The following METTL25 variants were observed in gnomAD, a reference collection of about 807,000 sequenced individuals.
METTL25 encodes probable methyltransferase-like protein 25.
In METTL25, 64 loss-of-function variants were observed where a neutral mutation model predicts 71.6. That is an observed-to-expected ratio of 0.89 (90% CI 0.73 to 1.10). METTL25 has a LOEUF of 1.10. Ranked by LOEUF, METTL25 falls within the 50% of genes least tolerant of loss-of-function variation. The pLI, the probability that METTL25 is intolerant of heterozygous loss-of-function variation, is 0.00. For synonymous variants in METTL25, 287 were observed against 250.3 expected (o/e 1.15, Z -1.38); for missense variants, 807 against 707.0 (o/e 1.14, Z -1.60).
intron 5 of METTL25, among the ~76,000 whole-genome samples, chr12:82,404,976 TC>T (rs1886966212): frequency 1.3e-5 from 2 of 151,636 alleles, no homozygotes; most frequent in African/African-American, 4.8e-5. Context: ...AGAGTCACTA[TC>T]CTTACACTAC....
intron 8 of METTL25, among the ~76,000 whole-genome samples, chr12:82,441,405 C>G (rs2131787): frequency 3.3e-5 from 5 of 151,712 alleles, no homozygotes; most frequent in Non-Finnish European, 7.4e-5. Context: ...GAAATGTACC[C>G]TTAGGAAAGC....
At chr12:82,384,264 A>G (rs920971110) in intron 1 of METTL25, among the ~76,000 whole-genome samples, 15 of 152,320 alleles carry the variant, frequency 9.8e-5, no homozygotes, top group African/African-American at 3.6e-4. Flanking sequence ...CAAAGCGATT[A>G]TACAAGTACC....
chr12:82,463,394 T>G (rs148243763), intron 9 of METTL25, among the ~76,000 whole-genome samples: 2 of 152,050 alleles, frequency 1.3e-5, no homozygotes, highest in African/African-American at 4.8e-5. Flanking sequence ...CTACACATGT[T>G]GCCAGGAATG....
intron 8 of METTL25, among the ~76,000 whole-genome samples, chr12:82,453,444 A>G (rs1421265887): frequency 6.6e-6 from 1 of 152,174 alleles, no homozygotes; most frequent in African/African-American, 2.4e-5. Context: ...TTAATATCCC[A>G]GATTATGAAG....
intron 3 of METTL25, among the ~76,000 whole-genome samples, chr12:82,394,060 C>T (rs1408412952): frequency 1.3e-5 from 2 of 151,920 alleles, no homozygotes; most frequent in Non-Finnish European, 2.9e-5. Context: ...CAGAGTTTCT[C>T]TTGTTATTGA....
chr12:82,455,350 G>A (rs1424317549), intron 8 of METTL25, among the ~76,000 whole-genome samples: 3 of 151,836 alleles, frequency 2.0e-5, no homozygotes, highest in African/African-American at 7.2e-5. Context: ...GTAGGATCCT[G>A]TATGTGCAGG....
chr12:82,397,563 A>AT (rs1315043615), intron 3 of METTL25, among the ~76,000 whole-genome samples: 2 of 151,766 alleles, frequency 1.3e-5, no homozygotes, highest in Admixed American at 6.6e-5. Flanking sequence ...ATCAGATAAC[A>AT]TTTTTTTCTA....
At chr12:82,441,679 A>G (rs1010244957) in intron 8 of METTL25, among the ~76,000 whole-genome samples, 2 of 151,736 alleles carry the variant, frequency 1.3e-5, no homozygotes, top group African/African-American at 4.8e-5. Flanking sequence ...GTAGTAATCT[A>G]GAACCACCAA....
chr12:82,389,537 G>A lies in METTL25; in HGVS notation c.425-279G>A, dbSNP rs111971572. ...GTTTGCCTTTTTACCTCATAATGTT[G>A]TCTTTTGATGAAAAATTTCTTTTGT... is the stretch of plus-strand genomic sequence containing the variant. On this transcript the variant is annotated intron_variant, in intron 2 of 11. Transcript: ENST00000248306. 2.7e-3 allele frequency among the ~76,000 whole-genome samples: 412 copies of A among 151,910 alleles called. 3 individuals carry two copies. Among genetic ancestry groups the A allele is most frequent in the African/African-American group, 9.3e-3 (387 of 41,430 alleles).
intron 8 of METTL25, among the ~76,000 whole-genome samples, chr12:82,455,464 A>G (rs1298711220): frequency 1.3e-5 from 2 of 151,930 alleles, no homozygotes; most frequent in African/African-American, 4.8e-5. Flanking sequence ...ATAACAAACG[A>G]ATGGAAGAAT....
At chr12:82,368,719 A>T (rs1226290266) in intron 1 of METTL25, among the ~76,000 whole-genome samples, 1 of 152,230 alleles carries the variant, frequency 6.6e-6, no homozygotes, top group Non-Finnish European at 1.5e-5. Context: ...CAATGATTTA[A>T]ATATTTTATC....
intron 6 of METTL25, among the ~76,000 whole-genome samples, chr12:82,433,391 A>T (rs1439049999): frequency 1.3e-5 from 2 of 151,710 alleles, no homozygotes; most frequent in Non-Finnish European, 3.0e-5. Flanking sequence ...CTGTTATCAT[A>T]ATATGAAAAT....
chr12:82,417,780 T>A (rs1888115982), intron 5 of METTL25, among the ~76,000 whole-genome samples: 1 of 151,982 alleles, frequency 6.6e-6, no homozygotes, highest in African/African-American at 2.4e-5. Flanking sequence ...TGGAGAAAAA[T>A]AAAGCAATGT....
At chr12:82,383,086 A>G (rs1884599013) in intron 1 of METTL25, among the ~76,000 whole-genome samples, 1 of 152,120 alleles carries the variant, frequency 6.6e-6, no homozygotes, top group Non-Finnish European at 1.5e-5. Context: ...AATAATTAAT[A>G]AAATATAGTA....
chr12:82,392,785 T>G (rs1465616686), intron 3 of METTL25, among the ~76,000 whole-genome samples: 1 of 152,142 alleles, frequency 6.6e-6, no homozygotes, highest in East Asian at 1.9e-4. Context: ...ATTTAAGTCT[T>G]TAATCCATTT....
intron 7 of METTL25, among the ~76,000 whole-genome samples, chr12:82,436,612 A>G (rs1889934390): frequency 6.6e-6 from 1 of 151,466 alleles, no homozygotes; most frequent in Non-Finnish European, 1.5e-5. Context: ...GAGAATGATG[A>G]CTTATTCTGT....
chr12:82,446,060 T>C (rs1199273493), intron 8 of METTL25, among the ~76,000 whole-genome samples: 1 of 152,020 alleles, frequency 6.6e-6, no homozygotes, highest in Non-Finnish European at 1.5e-5. Context: ...TAAAATAGAC[T>C]TCAAGCCAAA....
At chr12:82,456,703 A>G (rs766980368) in intron 8 of METTL25, 24 bp from the exon 9 acceptor site, 1 of 1,422,260 alleles carries the variant, frequency 7.0e-7, no homozygotes, top group Non-Finnish European at 9.6e-7. Flanking sequence ...AAAAACTAAA[A>G]ATTTATTCAA....
intron 5 of METTL25, among the ~76,000 whole-genome samples, chr12:82,408,865 C>T (rs982556642): frequency 1.1e-4 from 17 of 152,166 alleles, no homozygotes; most frequent in South Asian, 4.1e-4. Flanking sequence ...ATATCAAGCA[C>T]TAGGTTCCAT....
Sources: allele counts gnomAD v4.1 joint callset (sites outside exome capture counted in the v4.1 genomes callset), GRCh38; gene constraint gnomAD v4.1.1; transcripts MANE v1.5; gene names NCBI Gene and HGNC (gene_info 2026-07-23, HGNC 2026-07-21).